Variants in OGG1 observed in about 807,000 individuals in gnomAD.
OGG1 encodes the protein N-glycosylase/DNA lyase.
Under a neutral mutation model 42.3 loss-of-function variants are expected in OGG1, and 35 were observed. That is an observed-to-expected ratio of 0.83 (90% CI 0.63 to 1.10). OGG1 has a LOEUF of 1.10. Among genes scored for constraint, OGG1 ranks in the 50% least tolerant of loss-of-function variants. OGG1 has a pLI of 0.00. For synonymous variants in OGG1, 189 were observed against 179.0 expected (o/e 1.06, Z -0.44); for missense variants, 484 against 446.7 (o/e 1.08, Z -0.75).
intron 3 of OGG1, among the ~76,000 whole-genome samples, chr3:9,753,267 CTGGGAAG>C (rs2077385480): frequency 6.6e-6 from 1 of 150,926 alleles, no homozygotes; most frequent in Non-Finnish European, 1.5e-5. Flanking sequence ...TCATTTGAAC[CTGGGAAG>C]CAGAGGTTGC....
downstream of OGG1, chr3:9,759,441 G>A (rs1206436803): frequency 6.2e-7 from 1 of 1,613,060 alleles, no homozygotes; most frequent in Non-Finnish European, 8.5e-7. Flanking sequence ...TAGGGATGGG[G>A]AGGAGTCCTG....
In OGG1 at chr3:9,780,224, G is replaced by A. The variant is rs1275524555; in HGVS notation, c.295-1289G>A. On this transcript the variant is annotated intron_variant, in intron 2 of 3. Transcript: ENST00000426518. ...GCTAGGCCAAAAGACCTCAGGGGAA[G>A]GGCCACGGCCCTCTAGAGACTGCCG... 7.5e-6 allele frequency: 7 copies of A among 937,418 alleles called. No homozygotes were observed. The Admixed American group carries it at 1.9e-4, about 26-fold the overall frequency. 58.1% of individuals were successfully genotyped at this position (937,418 alleles called of 1,614,324 possible).
chr3:9,787,315 G>T, intron 3 of OGG1: 1 of 1,613,454 alleles, frequency 6.2e-7, no homozygotes, highest in Non-Finnish European at 8.5e-7. Flanking sequence ...CCAGCGCTGG[G>T]AGTAGTGCTT....
chr3:9,775,034 G>A (rs887203267), intron 2 of OGG1, among the ~76,000 whole-genome samples: 3 of 148,494 alleles, frequency 2.0e-5, no homozygotes, highest in Admixed American at 6.8e-5. Flanking sequence ...AGGATCACTT[G>A]AGCCCAGGAG....
downstream of OGG1, among the ~76,000 whole-genome samples, chr3:9,767,470 C>G (rs1047301606): frequency 4.6e-5 from 7 of 152,208 alleles, no homozygotes; most frequent in Non-Finnish European, 8.8e-5. Flanking sequence ...TTCAAGAACC[C>G]AGGGCTATTG....
downstream of OGG1, chr3:9,789,694 A>G (rs2078692905): frequency 9.3e-6 from 15 of 1,609,912 alleles, no homozygotes; most frequent in Non-Finnish European, 1.3e-5. Flanking sequence ...GCCCCCTTCT[A>G]TGTTCTCTAG....
chr3:9,780,113 G>C (rs1359460143), intron 2 of OGG1: 1 of 405,488 alleles, frequency 2.5e-6, no homozygotes, highest in Non-Finnish European at 4.4e-6. Flanking sequence ...CAGAAACGAA[G>C]TCCCCTCCAA....
chr3:9,763,262 G>A (rs2077977226), intron 7 of OGG1: 9 of 1,611,470 alleles, frequency 5.6e-6, no homozygotes, highest in Admixed American at 1.7e-5. Flanking sequence ...GTGTGCACCT[G>A]TAGTCCAAGC....
At chr3:9,769,244 G>GAC (rs142285715), downstream of OGG1, among the ~76,000 whole-genome samples, 21 of 150,084 alleles carry the variant, frequency 1.4e-4, 1 homozygote, top group South Asian at 8.5e-4. Flanking sequence ...ATGACACCCA[G>GAC]ACACACACAC....
chr3:9,766,691 C>T lies in OGG1; in HGVS notation c.*860C>T, dbSNP rs192749019. ...AGGATTTGCTAGGGTATTCTTTCCACATCTGTTTGCTTTCTCTGGGAGAAT... is the reference window on the plus strand; with the variant it reads ...AGGATTTGCTAGGGTATTCTTTCCATATCTGTTTGCTTTCTCTGGGAGAAT... On this transcript the variant is annotated 3_prime_UTR_variant, in exon 8 of 8. Coordinates refer to the OGG1 transcript ENST00000302008. 1.5e-4 allele frequency: 148 copies of T among 969,390 alleles called. No homozygotes were observed. The Middle Eastern group carries it at 1.6e-3, about 10-fold the overall frequency. 60.0% of individuals were successfully genotyped at this position (969,390 alleles called of 1,614,324 possible).
chr3:9,760,745 T>C, downstream of OGG1: 1 of 1,614,020 alleles, frequency 6.2e-7, no homozygotes, highest in East Asian at 2.2e-5. Context: ...ATTCTCGTCA[T>C]AGAAGGGAGG....
chr3:9,782,790 C>CA (rs36123956), intron 3 of OGG1, among the ~76,000 whole-genome samples: 80,506 of 119,774 alleles, frequency 0.67, 25,900 homozygotes, highest in Middle Eastern at 0.83. Context: ...GACACCGTCT[C>CA]AAAAAAAAAA....
At chr3:9,768,452 T>C (rs1200704403), downstream of OGG1, among the ~76,000 whole-genome samples, 2 of 152,200 alleles carry the variant, frequency 1.3e-5, no homozygotes, top group African/African-American at 2.4e-5. Context: ...AGCCTGGCCC[T>C]TCCTCTGCTG....
downstream of OGG1, chr3:9,761,589 G>A (rs1446455882): frequency 6.2e-7 from 1 of 1,613,258 alleles, no homozygotes; most frequent in Non-Finnish European, 8.5e-7. Flanking sequence ...TCAACTCCTG[G>A]TTCCCCCCAC....
rs753391538 is a variant in OGG1, at chr3:9,750,045, G to A, written c.-242G>A. ...GCGGGAGAAGATAAGTCGCAAGGAGGGGGCGGGACCTACACCTCAGGAAAG... is the reference window on the plus strand; with the variant it reads ...GCGGGAGAAGATAAGTCGCAAGGAGAGGGCGGGACCTACACCTCAGGAAAG... On this transcript the variant is annotated 5_prime_UTR_variant, in exon 1 of 7. Coordinates refer to ENST00000344629, the MANE Select transcript of OGG1 (RefSeq NM_002542.6). The A allele has an allele frequency of 7.1e-6, 4 of 567,024 alleles. No homozygotes were observed. The highest frequency in any genetic ancestry group is 9.4e-6 in the Non-Finnish European group (3 of 320,366). 35.1% of individuals were successfully genotyped at this position (567,024 alleles called of 1,614,324 possible). A position where few individuals can be genotyped will look rare whatever the true frequency, so the allele number is the denominator to read the frequency against.
At chr3:9,776,226 T>G (rs989835585) in intron 2 of OGG1, among the ~76,000 whole-genome samples, 2 of 152,108 alleles carry the variant, frequency 1.3e-5, no homozygotes, top group African/African-American at 4.8e-5. Flanking sequence ...TGTTCACACC[T>G]CTGTGCCTTG....
chr3:9,751,724 C>T (rs574940678), intron 2 of OGG1, 46 bp from the exon 3 acceptor site: 4 of 1,594,254 alleles, frequency 2.5e-6, no homozygotes, highest in Non-Finnish European at 3.4e-6. Flanking sequence ...AGAGGCCACA[C>T]CCAACAGCAG....
chr3:9,753,560 A>T (rs1045980934), intron 3 of OGG1, among the ~76,000 whole-genome samples: 1 of 149,246 alleles, frequency 6.7e-6, no homozygotes, highest in African/African-American at 2.5e-5. Context: ...AGGCTGAGGC[A>T]GGAGAATGGC....
At chr3:9,761,028 T>C (rs1575230958), downstream of OGG1, 1 of 457,606 alleles carries the variant, frequency 2.2e-6, no homozygotes, top group East Asian at 4.2e-5. Context: ...ACACCTCCAA[T>C]GTCTGGCTCC....
Sources: gnomAD v4.1 joint callset for allele counts (sites outside exome capture counted in the v4.1 genomes callset) on GRCh38, gnomAD v4.1.1 for gene constraint, MANE v1.5 for transcripts, NCBI Gene and HGNC (gene_info 2026-07-23, HGNC 2026-07-21) for gene names.